Variants in VPS13D observed in about 807,000 individuals in gnomAD.
The protein encoded by VPS13D is vacuolar protein sorting 13 homolog D.
VPS13D carries 187 observed loss-of-function variants against 461.9 expected under a neutral mutation model. The observed-to-expected ratio is 0.40, with a 90% confidence interval of 0.36 to 0.46. The LOEUF is 0.46. Ranked by LOEUF, VPS13D falls within the 20% of genes least tolerant of loss-of-function variation. The pLI is 0.60. For missense variants in VPS13D, 4,711 were observed against 5,364.9 expected (o/e 0.88, Z 3.81); for synonymous variants, 1,951 against 1,986.3 (o/e 0.98, Z 0.47).
chr1:12,371,759 G>A (rs1413525408), intron 54 of VPS13D, among the ~76,000 whole-genome samples: 1 of 152,018 alleles, frequency 6.6e-6, no homozygotes, highest in Non-Finnish European at 1.5e-5. Flanking sequence ...CTACATTTTT[G>A]TTTATCCAGT....
intron 60 of VPS13D, among the ~76,000 whole-genome samples, chr1:12,387,960 A>G (rs1033444847): frequency 7.2e-5 from 11 of 152,248 alleles, no homozygotes; most frequent in Non-Finnish European, 1.6e-4. Flanking sequence ...GCTACAAAAA[A>G]TGTAAAAGAA....
chr1:12,249,108 C>G (rs2101229467), intron 5 of VPS13D, 115 bp from the exon 6 acceptor site: 2 of 793,128 alleles, frequency 2.5e-6, no homozygotes, highest in East Asian at 5.4e-5. Flanking sequence ...GGCAGTTTGA[C>G]CCCTAACTAT....
intron 65 of VPS13D, among the ~76,000 whole-genome samples, chr1:12,423,943 C>T (rs1644893159): frequency 6.6e-6 from 1 of 152,164 alleles, no homozygotes; most frequent in South Asian, 2.1e-4. Context: ...CTGAGTGAGT[C>T]CCTGCATGGA....
chr1:12,272,851 A>G, intron 17 of VPS13D, 152 bp from the exon 18 acceptor site: 1 of 1,061,544 alleles, frequency 9.4e-7, no homozygotes, highest in Non-Finnish European at 1.3e-6. Flanking sequence ...TCAAGCATTT[A>G]CATCTACTTT....
Position 12,283,389 on chromosome 1 carries a change from C to T in VPS13D, c.5287C>T (p.Pro1763Ser), listed in dbSNP as rs1401977191. The T allele has an allele frequency of 1.2e-6, 2 of 1,614,198 alleles. No homozygotes were observed. The highest frequency in any genetic ancestry group is 1.7e-5 in the Admixed American group (1 of 60,026). The part of the protein sequence containing the change: ...VQDKDYPLTP[P>S]PSPTVDEPKI... Reference sequence around the variant, plus strand: ...AGACAAGGACTATCCCTTGACCCCACCTCCTTCTCCAACAGTGGATGAGCC... The same window carrying T: ...AGACAAGGACTATCCCTTGACCCCATCTCCTTCTCCAACAGTGGATGAGCC... The change falls in exon 21 of 70, where the codon CCT becomes TCT. Residue 1763 changes from proline to serine, a missense_variant. Coordinates refer to ENST00000620676, the MANE Select transcript of VPS13D (RefSeq NM_015378.4).
At chr1:12,319,407 G>C in intron 31 of VPS13D, 90 bp from the exon 32 acceptor site, 2 of 1,558,394 alleles carry the variant, frequency 1.3e-6, no homozygotes, top group Non-Finnish European at 1.7e-6. Context: ...GTTGTTGCCT[G>C]GTGGAAATGC....
At chr1:12,339,264 A>T (rs1353485220) in intron 40 of VPS13D, among the ~76,000 whole-genome samples, 2 of 152,204 alleles carry the variant, frequency 1.3e-5, no homozygotes, top group East Asian at 3.8e-4. Context: ...TTTAGCTGAT[A>T]AGGACAGTGA....
chr1:12,342,805 G>C (rs1159551175), intron 41 of VPS13D, 94 bp from the exon 42 acceptor site: 1 of 1,414,286 alleles, frequency 7.1e-7, no homozygotes, highest in Non-Finnish European at 9.5e-7. Flanking sequence ...TGGGAATTGA[G>C]TTGTGAGAAG....
At chr1:12,499,095 A>G (rs1028443538) in intron 68 of VPS13D, among the ~76,000 whole-genome samples, 1 of 151,788 alleles carries the variant, frequency 6.6e-6, no homozygotes, top group Non-Finnish European at 1.5e-5. Flanking sequence ...TGCTCTTGAT[A>G]TTGCTTTGTA....
Position 12,277,303 on chromosome 1 carries a change from G to T in VPS13D, c.3715G>T (p.Gly1239Trp). 6.2e-7 allele frequency: 1 copy of T among 1,614,188 alleles called. No homozygotes were observed. Among genetic ancestry groups the T allele is most frequent in the Non-Finnish European group, 8.5e-7 (1 of 1,180,036 alleles). The change falls in exon 19 of 70, where the codon GGG (glycine) becomes TGG (tryptophan). Residue 1239 changes from glycine to tryptophan, a missense_variant. This residue lies in a region of VPS13D where 4,411 missense variants were observed against 4,937.8 expected (regional missense o/e 0.89). Transcript: ENST00000620676. ...NVKNQYVVSIGNSVGYENIIS... is the reference protein window; with the variant it reads ...NVKNQYVVSIWNSVGYENIIS... ...TAAAAACCAGTATGTTGTCAGCATT[G>T]GGAATTCTGTAGGCTATGAAAATAT...
At chr1:12,438,972 C>G (rs1645095833) in intron 65 of VPS13D, among the ~76,000 whole-genome samples, 1 of 152,162 alleles carries the variant, frequency 6.6e-6, no homozygotes, top group Non-Finnish European at 1.5e-5. Context: ...GAACATATCC[C>G]TCCCGCGCCC....
intron 67 of VPS13D, among the ~76,000 whole-genome samples, chr1:12,463,305 T>A (rs1373201520): frequency 6.6e-6 from 1 of 151,914 alleles, no homozygotes; most frequent in Non-Finnish European, 1.5e-5. Context: ...GCAAGTAGGG[T>A]ATATGTTTGG....
chr1:12,482,825 T>C (rs1016052985), intron 67 of VPS13D, among the ~76,000 whole-genome samples: 2 of 146,602 alleles, frequency 1.4e-5, no homozygotes, highest in South Asian at 4.4e-4. Flanking sequence ...TGATTTGACA[T>C]GAATGGGAGT....
Position 12,264,518 on chromosome 1 carries a change from A to G in VPS13D, c.1595-2363A>G, listed in dbSNP as rs191719600. On this transcript the variant is annotated intron_variant, in intron 13 of 69. Transcript: ENST00000620676. The stretch of plus-strand genomic sequence containing the variant: ...AAAGCAAAGCAGCCTTACTGCTGCA[A>G]TGGAGAAAGTTTGGTCTGGATAGAA... Among the ~76,000 whole-genome samples the G allele has an allele frequency of 4.6e-3, 708 of 152,350 alleles. 6 individuals carry two copies. Among genetic ancestry groups the G allele is most frequent in the African/African-American group, 0.016 (662 of 41,578 alleles).
Position 12,268,773 on chromosome 1 carries a change from G to A in VPS13D, c.1869G>A (p.Glu623=). 1 of 1,614,124 alleles carries A rather than the reference G, an allele frequency of 6.2e-7. No individual in the cohort carries two copies. The highest frequency in any genetic ancestry group is 8.5e-7 in the Non-Finnish European group (1 of 1,180,002). The stretch of plus-strand genomic sequence containing the variant: ...GAAATCCGGCGCACAGCCACTTTGA[G>A]AGGCGGCTCAATGTCAGCACAAGGC... ...YERNPAHSHF[E]RRLNVSTRPL... is the part of the protein sequence containing the mutation. The change falls in exon 16 of 70, where the codon GAG becomes GAA. Residue 623 remains glutamate, a synonymous_variant. Transcript: ENST00000620676.
chr1:12,256,617 C>A, intron 8 of VPS13D, 114 bp downstream of exon 8: 1 of 1,219,996 alleles, frequency 8.2e-7, no homozygotes, highest in Non-Finnish European at 1.1e-6. Flanking sequence ...GACCATTTCC[C>A]TCCAGACTAA....
chr1:12,285,175 A>G (rs967690016), intron 21 of VPS13D, among the ~76,000 whole-genome samples: 1 of 152,218 alleles, frequency 6.6e-6, no homozygotes, highest in African/African-American at 2.4e-5. Context: ...CATCACAGAG[A>G]AACAGTATAA....
chr1:12,324,850 G>T (rs1643137634), intron 35 of VPS13D, among the ~76,000 whole-genome samples: 2 of 152,212 alleles, frequency 1.3e-5, no homozygotes, highest in African/African-American at 4.8e-5. Flanking sequence ...CTTGGAGGCA[G>T]ACATTATTAT....
At chr1:12,234,061 AAC>A in intron 1 of VPS13D, 128 bp from the exon 2 acceptor site, 1 of 442,840 alleles carries the variant, frequency 2.3e-6, no homozygotes, top group South Asian at 3.1e-5. Flanking sequence ...CAAAAACAAA[AAC>A]ACAAACAAAC....
Sources: allele counts gnomAD v4.1 joint callset (sites outside exome capture counted in the v4.1 genomes callset), GRCh38; gene constraint gnomAD v4.1.1; regional missense constraint gnomAD v4.1.1; transcripts MANE v1.5; gene names NCBI Gene and HGNC (gene_info 2026-07-23, HGNC 2026-07-21).